Variants in FREM2 observed in about 807,000 individuals in gnomAD.
FREM2 encodes FRAS1 related extracellular matrix 2.
In FREM2, 119 loss-of-function variants were observed where a neutral mutation model predicts 219.9. The ratio of observed to expected loss-of-function variants is 0.54; its 90% CI spans 0.47 to 0.63. The LOEUF (loss-of-function observed/expected upper bound fraction) is 0.63. Ranked by LOEUF, FREM2 falls within the 30% of genes least tolerant of loss-of-function variation. The pLI, the probability that FREM2 is intolerant of heterozygous loss-of-function variation, is 0.00. For synonymous variants in FREM2, 1,562 were observed against 1,522.8 expected (o/e 1.03, Z -0.60); for missense variants, 4,030 against 3,993.6 (o/e 1.01, Z -0.25).
intron 2 of FREM2, among the ~76,000 whole-genome samples, chr13:38,732,527 A>T (rs1871809641): frequency 6.6e-6 from 1 of 152,212 alleles, no homozygotes; most frequent in Non-Finnish European, 1.5e-5. Context: ...CTAGCTCCAT[A>T]TGTGATTCAA....
rs149399711 is a variant in FREM2, at chr13:38,751,326, T to A, written c.5264-12978T>A. Among the ~76,000 whole-genome samples the A allele has an allele frequency of 4.2e-3, 644 of 152,182 alleles. 8 individuals are homozygous for A. Among genetic ancestry groups the A allele is most frequent in the African/African-American group, 0.014 (601 of 41,530 alleles). Reference sequence around the variant, plus strand: ...AACACCTGCTGTCTCCAAATCAATATTTCTTAAAGCGTGGTGCAAATTATG... The same window carrying A: ...AACACCTGCTGTCTCCAAATCAATAATTCTTAAAGCGTGGTGCAAATTATG... On this transcript the variant is annotated intron_variant, in intron 2 of 23. Transcript: ENST00000280481.
intron 6 of FREM2, among the ~76,000 whole-genome samples, chr13:38,835,870 A>G (rs1035486562): frequency 1.3e-5 from 2 of 152,244 alleles, no homozygotes; most frequent in Non-Finnish European, 2.9e-5. Flanking sequence ...TTCTAAATAT[A>G]CAATCATGTC....
At chr13:38,712,617 TTCTC>T (rs2138096843) in intron 2 of FREM2, among the ~76,000 whole-genome samples, 1 of 149,296 alleles carries the variant, frequency 6.7e-6, no homozygotes, top group South Asian at 2.1e-4. Context: ...CTTTCTCTCT[TTCTC>T]TCTGTCTCTT....
At chr13:38,697,319 G>A (rs1870152628) in intron 1 of FREM2, among the ~76,000 whole-genome samples, 1 of 152,204 alleles carries the variant, frequency 6.6e-6, no homozygotes, top group Non-Finnish European at 1.5e-5. Flanking sequence ...GGCAAAGGAT[G>A]TGATTTCAAG....
In FREM2 at chr13:38,769,766, T is replaced by A. The variant is rs775351202; in HGVS notation, c.5599T>A (p.Phe1867Ile). 6.2e-7 allele frequency: 1 copy of A among 1,613,998 alleles called. No individual in the cohort carries two copies. Among genetic ancestry groups the A allele is most frequent in the Non-Finnish European group, 8.5e-7 (1 of 1,179,992 alleles). Reference protein sequence around the residue: ...LSEPVLAALEFPTVATVEIVD... With the variant: ...LSEPVLAALEIPTVATVEIVD... ...AGAGCCCGTGCTGGCTGCCTTGGAATTCCCCACAGTCGCCACTGTTGAGAT... is the reference window on the plus strand; with the variant it reads ...AGAGCCCGTGCTGGCTGCCTTGGAAATCCCCACAGTCGCCACTGTTGAGAT... Residue 1867 changes from phenylalanine to isoleucine, a missense_variant, in exon 4 of 24, where the codon TTC becomes ATC. Phe to Ile is a conservative substitution (Grantham distance 21). This residue lies in a region of FREM2 where 3,102 missense variants were observed against 2,950.7 expected (regional missense o/e 1.05). Coordinates refer to ENST00000280481, the MANE Select transcript of FREM2 (RefSeq NM_207361.6).
intron 2 of FREM2, among the ~76,000 whole-genome samples, chr13:38,709,226 G>A (rs1870663270): frequency 6.6e-6 from 1 of 152,046 alleles, no homozygotes; most frequent in Non-Finnish European, 1.5e-5. Flanking sequence ...CACTTCCTCT[G>A]CATGAGATTC....
chr13:38,753,889 T>A (rs536939466), intron 2 of FREM2, among the ~76,000 whole-genome samples: 26 of 152,366 alleles, frequency 1.7e-4, no homozygotes, highest in African/African-American at 5.5e-4. Flanking sequence ...GGTGAGGGGA[T>A]GTAAATTCAT....
chr13:38,790,373 T>C (rs1188340906), intron 6 of FREM2, among the ~76,000 whole-genome samples: 2 of 152,182 alleles, frequency 1.3e-5, no homozygotes, highest in African/African-American at 2.4e-5. Context: ...TATTTTTTTT[T>C]CAATTCTGTC....
At chr13:38,802,814 C>T (rs1875069970) in intron 6 of FREM2, among the ~76,000 whole-genome samples, 1 of 152,140 alleles carries the variant, frequency 6.6e-6, no homozygotes, top group South Asian at 2.1e-4. Context: ...CAATCACAAG[C>T]CCCATATAGG....
chr13:38,785,648 G>A (rs1264189729), intron 6 of FREM2, among the ~76,000 whole-genome samples: 3 of 152,164 alleles, frequency 2.0e-5, no homozygotes, highest in Non-Finnish European at 2.9e-5. Flanking sequence ...ACCAGGAAAG[G>A]TCTTTGATAG....
rs1461580552 is a variant in FREM2 at position 38,886,396 on chromosome 13, A to C, written c.*5609A>C. 1 of 84,536 alleles carries C rather than the reference A, an allele frequency of 1.2e-5. No individual in the cohort carries two copies. Among genetic ancestry groups the C allele is most frequent in the Non-Finnish European group, 2.3e-5 (1 of 43,796 alleles). 5.2% of individuals were successfully genotyped at this position (84,536 alleles called of 1,614,324 possible). ...CATACATATATATATAGAGAGAGAG[A>C]GATAGATTTTTTTTTTTTGAGACAG... On this transcript the variant is annotated 3_prime_UTR_variant, in exon 24 of 24. Coordinates refer to ENST00000280481, the MANE Select transcript of FREM2 (RefSeq NM_207361.6).
chr13:38,723,988 C>T (rs1347312200), intron 2 of FREM2, among the ~76,000 whole-genome samples: 3 of 152,188 alleles, frequency 2.0e-5, no homozygotes, highest in Non-Finnish European at 4.4e-5. Flanking sequence ...AGCCCGTGTT[C>T]TTACTGGCTC....
chr13:38,713,459 A>G (rs1284545358), intron 2 of FREM2, among the ~76,000 whole-genome samples: 2 of 152,162 alleles, frequency 1.3e-5, no homozygotes, highest in Non-Finnish European at 2.9e-5. Context: ...ATTATATGGC[A>G]TTATTTTTTG....
Position 38,688,165 on chromosome 13 carries a change from C to T in FREM2, c.821C>T (p.Ser274Leu). 6.2e-7 allele frequency: 1 copy of T among 1,613,604 alleles called. No homozygotes were observed. The highest frequency in any genetic ancestry group is 8.5e-7 in the Non-Finnish European group (1 of 1,179,846). The change falls in exon 1 of 24, where the codon TCA (serine) becomes TTA (leucine). Residue 274 changes from serine to leucine, a missense_variant. Around this residue, in one of 2 missense-constraint regions of FREM2, gnomAD observed 3,102 missense variants for 2,950.7 expected, o/e 1.05. Coordinates refer to ENST00000280481, the MANE Select transcript of FREM2 (RefSeq NM_207361.6). ...VRYRHTAASR[S>L]PNRDWIPMVV... is the part of the protein sequence containing the mutation. Reference sequence around the variant, plus strand: ...TATCGCCACACAGCCGCCAGTCGCTCACCAAACAGGGACTGGATACCCATG... The same window carrying T: ...TATCGCCACACAGCCGCCAGTCGCTTACCAAACAGGGACTGGATACCCATG...
At chr13:38,843,649 A>G (rs1233161197) in intron 6 of FREM2, among the ~76,000 whole-genome samples, 1 of 152,174 alleles carries the variant, frequency 6.6e-6, no homozygotes, top group Non-Finnish European at 1.5e-5. Context: ...CTTAAGTGAC[A>G]TCTATAACTC....
chr13:38,867,010 A>T (rs1877993212), intron 16 of FREM2, among the ~76,000 whole-genome samples: 1 of 152,234 alleles, frequency 6.6e-6, no homozygotes, highest in Non-Finnish European at 1.5e-5. Context: ...CTAGATTTTT[A>T]AAATTCCAGT....
chr13:38,746,020 T>C lies in FREM2; in HGVS notation c.5264-18284T>C, dbSNP rs1872466420. Among the ~76,000 whole-genome samples, 2 of 152,198 alleles carry C rather than the reference T, an allele frequency of 1.3e-5. 1 individual carries two copies. Among genetic ancestry groups the C allele is most frequent in the South Asian group, 4.1e-4 (2 of 4,828 alleles). On this transcript the variant is annotated intron_variant, in intron 2 of 23. Coordinates refer to ENST00000280481, the MANE Select transcript of FREM2 (RefSeq NM_207361.6). ...TCCCATTTCTTACTTTTATGATTTCTGTATTATATAAATTAGGGAATCCTG... is the reference window on the plus strand; with the variant it reads ...TCCCATTTCTTACTTTTATGATTTCCGTATTATATAAATTAGGGAATCCTG...
At chr13:38,751,046 G>A (rs1381042620) in intron 2 of FREM2, among the ~76,000 whole-genome samples, 3 of 151,922 alleles carry the variant, frequency 2.0e-5, no homozygotes, top group African/African-American at 7.3e-5. Flanking sequence ...TTTCATCCAT[G>A]GATAAGCACT....
chr13:38,851,940 G>A (rs1877387661), intron 11 of FREM2, 72 bp downstream of exon 11: 1 of 1,318,610 alleles, frequency 7.6e-7, no homozygotes, highest in African/African-American at 1.4e-5. Context: ...TGCCCTTAAG[G>A]AAAAGAAGGG....
Sources: gnomAD v4.1 joint callset for allele counts (sites outside exome capture counted in the v4.1 genomes callset) on GRCh38, gnomAD v4.1.1 for gene constraint, gnomAD v4.1.1 regional missense constraint, MANE v1.5 for transcripts, NCBI Gene and HGNC (gene_info 2026-07-23, HGNC 2026-07-21) for gene names.